Variants in TPP2 observed in about 807,000 individuals in gnomAD.
TPP2 encodes the protein tripeptidyl peptidase 2.
A neutral mutation model predicts 155.9 loss-of-function variants in TPP2; 34 were observed. The ratio of observed to expected loss-of-function variants is 0.22; its 90% CI spans 0.17 to 0.29. The LOEUF is 0.29. Among genes scored for constraint, TPP2 ranks in the 10% least tolerant of loss-of-function variants. The probability of loss-of-function intolerance (pLI) is 1.00; values close to 1 mark genes in which losing one functional copy is unlikely to be tolerated. For synonymous variants in TPP2, 510 were observed against 529.4 expected, an observed-to-expected ratio of 0.96 and a Z score of 0.50; for missense variants, 1,028 against 1,522.3, an observed-to-expected ratio of 0.68 and a Z score of 5.40.
chr13:102,597,613 C>T (rs940259766), intron 1 of TPP2, among the ~76,000 whole-genome samples: 1 of 152,240 alleles, frequency 6.6e-6, no homozygotes, highest in Non-Finnish European at 1.5e-5. Flanking sequence ...GCCTACCCCT[C>T]GTGCCTCGGA....
intron 24 of TPP2, among the ~76,000 whole-genome samples, chr13:102,655,468 G>T (rs1015057501): frequency 6.6e-6 from 1 of 152,142 alleles, no homozygotes; most frequent in African/African-American, 2.4e-5. Flanking sequence ...TTGAGGAACT[G>T]ACTTAATAAA....
At chr13:102,652,409 T>C (rs1444720917) in intron 24 of TPP2, among the ~76,000 whole-genome samples, 15 of 6,358 alleles carry the variant, frequency 2.4e-3, no homozygotes, top group African/African-American at 0.019. Context: ...TATATATATA[T>C]ATATATATAT....
intron 19 of TPP2, among the ~76,000 whole-genome samples, chr13:102,645,826 T>C (rs1247240953): frequency 1.3e-5 from 2 of 152,168 alleles, no homozygotes; most frequent in Admixed American, 1.3e-4. Context: ...CTACTAAAAA[T>C]ATGAAATAAC....
intron 24 of TPP2, among the ~76,000 whole-genome samples, chr13:102,651,726 T>C (rs1883500591): frequency 7.7e-6 from 1 of 129,810 alleles, no homozygotes; most frequent in Admixed American, 7.5e-5. Flanking sequence ...TATAGAGAGA[T>C]GGATGTGATA....
chr13:102,638,974 G>T (rs16960277), intron 15 of TPP2, among the ~76,000 whole-genome samples: 22,717 of 152,184 alleles, frequency 0.15, 2,044 homozygotes, highest in African/African-American at 0.25. Context: ...TTTGGCACTT[G>T]AGGATTCTCA....
intron 6 of TPP2, among the ~76,000 whole-genome samples, chr13:102,623,354 G>T (rs1881309424): frequency 6.6e-6 from 1 of 152,098 alleles, no homozygotes; most frequent in Admixed American, 6.5e-5. Flanking sequence ...ACCTGAGGCT[G>T]GGAGTTTGAG....
In TPP2 at chr13:102,653,055, A is replaced by G. The variant is rs183051576; in HGVS notation, c.2991+1658A>G. On this transcript the variant is annotated intron_variant, in intron 24 of 29. Transcript: ENST00000376052. ...GTAGATTTTGTTTGAATTAGGTTGT[A>G]TAGTTAGGAAAACACTGAATGAATA... 3.3e-4 allele frequency among the ~76,000 whole-genome samples: 51 copies of G among 152,326 alleles called. 1 individual carries two copies. The East Asian group carries it at 9.3e-3, about 28-fold the overall frequency.
At chr13:102,668,388 A>AAG (rs1174514044) in intron 27 of TPP2, among the ~76,000 whole-genome samples, 1 of 152,210 alleles carries the variant, frequency 6.6e-6, no homozygotes, top group Non-Finnish European at 1.5e-5. Flanking sequence ...TTGTTGATTG[A>AAG]AGAGTACAGA....
intron 6 of TPP2, among the ~76,000 whole-genome samples, chr13:102,626,045 C>T (rs1881596797): frequency 6.6e-6 from 1 of 152,320 alleles, no homozygotes; most frequent in East Asian, 1.9e-4. Flanking sequence ...GTGGACACTT[C>T]TTTGTAACTA....
intron 18 of TPP2, 94 bp from the exon 19 acceptor site, chr13:102,644,815 T>A (rs1212207613): frequency 4.1e-6 from 6 of 1,467,140 alleles, no homozygotes; most frequent in South Asian, 3.7e-5. Flanking sequence ...GTGTGGGTAC[T>A]TATAAACTTT....
At chr13:102,638,340 T>C (rs1365905836) in intron 15 of TPP2, 25 bp downstream of exon 15, 2 of 1,602,930 alleles carry the variant, frequency 1.2e-6, no homozygotes, top group Non-Finnish European at 1.7e-6. Context: ...ACTCACAGCT[T>C]ACTGGTACAT....
At chr13:102,606,974 G>A (rs1045515704) in intron 2 of TPP2, among the ~76,000 whole-genome samples, 3 of 152,168 alleles carry the variant, frequency 2.0e-5, no homozygotes, top group African/African-American at 7.2e-5. Context: ...TTATGAGTAT[G>A]TGTCCCCTCA....
chr13:102,644,445 C>T lies in TPP2; in HGVS notation c.2176-112C>T, dbSNP rs1368550025. On this transcript the variant is annotated intron_variant, in intron 17 of 29. Coordinates refer to ENST00000376052, the MANE Select transcript of TPP2 (RefSeq NM_001330588.2). The stretch of plus-strand genomic sequence containing the variant: ...CTGTTAAAATTTTTGAGTTTTCTTG[C>T]TACAAACAGGAAAAGTTTGAAAACA... 38 of 903,202 alleles carry T rather than the reference C, an allele frequency of 4.2e-5. 1 individual carries two copies. The highest frequency in any genetic ancestry group is 5.0e-5 in the Non-Finnish European group (31 of 622,318). The allele number at this position is 903,202 out of a possible 1,614,324, so 55.9% of individuals were successfully genotyped here.
chr13:102,606,421 TCA>T (rs1343862172), intron 2 of TPP2, among the ~76,000 whole-genome samples: 2 of 152,178 alleles, frequency 1.3e-5, no homozygotes, highest in African/African-American at 4.8e-5. Context: ...GCTCAGGGTC[TCA>T]CAAGACTGCA....
At chr13:102,647,715 G>T (rs538238738) in intron 21 of TPP2, among the ~76,000 whole-genome samples, 1 of 152,214 alleles carries the variant, frequency 6.6e-6, no homozygotes, top group African/African-American at 2.4e-5. Context: ...AAGTCTGAGG[G>T]GGCTAAAGAG....
At chr13:102,612,923 G>C (rs997054215) in intron 2 of TPP2, among the ~76,000 whole-genome samples, 2 of 152,180 alleles carry the variant, frequency 1.3e-5, no homozygotes, top group Non-Finnish European at 2.9e-5. Context: ...CAAAGAAGTT[G>C]CTGCTAGCCA....
chr13:102,645,133 T>G, intron 19 of TPP2, 124 bp downstream of exon 19: 1 of 885,328 alleles, frequency 1.1e-6, no homozygotes, highest in South Asian at 1.8e-5. Flanking sequence ...AATTTTATCC[T>G]TGCCAGCAGA....
intron 12 of TPP2, 48 bp from the exon 13 acceptor site, chr13:102,636,176 T>A: frequency 6.6e-7 from 1 of 1,508,402 alleles, no homozygotes; most frequent in Non-Finnish European, 8.9e-7. Flanking sequence ...AACAAAATAT[T>A]TTTTGACCCA....
rs1566337034 is a variant in TPP2, at chr13:102,627,837, C to G, written c.940-11C>G. On this transcript the variant is annotated splice_polypyrimidine_tract_variant and intron_variant, in intron 7 of 29. Coordinates refer to ENST00000376052, the MANE Select transcript of TPP2 (RefSeq NM_001330588.2). ...TTGCTGCCTAAACTAGAGTCTTAAT[C>G]TCTTTAATAGATGATAGAAGTTATA... 7 of 1,604,884 alleles carry G rather than the reference C, an allele frequency of 4.4e-6. No homozygotes were observed. The highest frequency in any genetic ancestry group is 6.0e-6 in the Non-Finnish European group (7 of 1,172,940).
Sources: allele counts gnomAD v4.1 joint callset (sites outside exome capture counted in the v4.1 genomes callset), GRCh38; gene constraint gnomAD v4.1.1; transcripts MANE v1.5; gene names NCBI Gene and HGNC (gene_info 2026-07-23, HGNC 2026-07-21).